TNIK: variants seen among roughly 807,000 people sequenced by gnomAD.
TNIK encodes the protein TRAF2 and NCK interacting kinase.
A neutral mutation model predicts 191.3 loss-of-function variants in TNIK; 49 were observed. That is an observed-to-expected ratio of 0.26 (90% confidence interval 0.20 to 0.32). The LOEUF is 0.32. Among genes scored for constraint, TNIK ranks in the 10% least tolerant of loss-of-function variants. The pLI is 1.00. For synonymous variants in TNIK, 594 were observed against 600.9 expected, an observed-to-expected ratio of 0.99 and a Z score of 0.17; for missense variants, 1,155 against 1,702.3, an observed-to-expected ratio of 0.68 and a Z score of 5.66.
chr3:171,165,195 G>A (rs1277594409), intron 10 of TNIK, among the ~76,000 whole-genome samples: 3 of 152,080 alleles, frequency 2.0e-5, no homozygotes, highest in Admixed American at 2.0e-4. Context: ...TACTTGGGAG[G>A]CTAAGATGGG....
chr3:171,243,640 A>G (rs1016740402), intron 2 of TNIK, among the ~76,000 whole-genome samples: 1 of 152,214 alleles, frequency 6.6e-6, no homozygotes, highest in Non-Finnish European at 1.5e-5. Flanking sequence ...CTGAGTCTTA[A>G]GTCGATTTTA....
rs1718394985 is a variant in TNIK, at chr3:171,066,046, C to A, written c.3999+141G>T. On this transcript the variant is annotated intron_variant, in intron 32 of 32. Coordinates refer to ENST00000436636, the MANE Select transcript of TNIK (RefSeq NM_015028.4). ...ATATTGAGTGCTCACATGGATCAAA[C>A]CAAATAATGCCATTTCAAGATAATA... 6.8e-6 allele frequency: 8 copies of A among 1,167,886 alleles called. No homozygotes were observed. The East Asian group carries it at 1.9e-4, about 28-fold the overall frequency. The allele number at this position is 1,167,886 out of a possible 1,614,324, so 72.3% of individuals were successfully genotyped here.
At chr3:171,272,748 A>C (rs2109200002) in intron 2 of TNIK, among the ~76,000 whole-genome samples, 1 of 151,986 alleles carries the variant, frequency 6.6e-6, no homozygotes, top group South Asian at 2.1e-4. Flanking sequence ...CATTTCACTG[A>C]GTTGTTCCTC....
chr3:171,178,374 A>G (rs1280493044), intron 7 of TNIK, among the ~76,000 whole-genome samples: 2 of 152,178 alleles, frequency 1.3e-5, no homozygotes, highest in African/African-American at 4.8e-5. Context: ...AGTAGGAGGT[A>G]CTCAAAGTAT....
chr3:171,157,035 CCTT>C (rs1733277270), intron 12 of TNIK, among the ~76,000 whole-genome samples: 2 of 152,340 alleles, frequency 1.3e-5, no homozygotes, highest in Admixed American at 1.3e-4. Flanking sequence ...GATAAAATCT[CCTT>C]GTCCTGATGG....
At chr3:171,081,294 C>T (rs1720638258) in intron 27 of TNIK, among the ~76,000 whole-genome samples, 1 of 151,964 alleles carries the variant, frequency 6.6e-6, no homozygotes, top group South Asian at 2.1e-4. Flanking sequence ...CAAGCAAAAG[C>T]ATTTTGTCAA....
chr3:171,206,570 C>G (rs2108890821), intron 4 of TNIK, among the ~76,000 whole-genome samples: 1 of 152,162 alleles, frequency 6.6e-6, no homozygotes, highest in East Asian at 1.9e-4. Flanking sequence ...TGAAAATGGA[C>G]TGAAGATTTT....
intron 1 of TNIK, among the ~76,000 whole-genome samples, chr3:171,407,533 CT>C (rs1721855328): frequency 6.6e-6 from 1 of 152,158 alleles, no homozygotes; most frequent in Non-Finnish European, 1.5e-5. Context: ...GATAAATACT[CT>C]CCCAGCCCCT....
At chr3:171,225,748 C>T (rs949681092) in intron 3 of TNIK, 1 of 398,730 alleles carries the variant, frequency 2.5e-6, no homozygotes, top group African/African-American at 2.1e-5. Flanking sequence ...ACTTGTGAGG[C>T]TTTAAATTGT....
intron 1 of TNIK, among the ~76,000 whole-genome samples, chr3:171,415,736 T>G (rs1386185930): frequency 1.3e-5 from 2 of 151,470 alleles, no homozygotes; most frequent in Non-Finnish European, 2.9e-5. Context: ...ATCCCAGCAC[T>G]TTGGGATGTA....
chr3:171,354,669 C>T lies in TNIK; in HGVS notation c.123+14951G>A, dbSNP rs777244385. 1.3e-4 allele frequency among the ~76,000 whole-genome samples: 20 copies of T among 152,208 alleles called. 1 individual carries two copies. Among genetic ancestry groups the T allele is most frequent in the Admixed American group, 6.5e-5 (1 of 15,280 alleles). Reference sequence around the variant, plus strand: ...CACAGACTAAGGAGTTTCTTCAACACTGAGAATGTAGATTAAGACTGCTGA... The same window carrying T: ...CACAGACTAAGGAGTTTCTTCAACATTGAGAATGTAGATTAAGACTGCTGA... On this transcript the variant is annotated intron_variant, in intron 2 of 32. Coordinates refer to ENST00000436636, the MANE Select transcript of TNIK (RefSeq NM_015028.4).
intron 27 of TNIK, 108 bp from the exon 28 acceptor site, chr3:171,079,760 T>C: frequency 2.3e-6 from 3 of 1,309,348 alleles, no homozygotes; most frequent in Non-Finnish European, 3.1e-6. Context: ...TGTGTGTGTG[T>C]GTATGAAGGC....
chr3:171,396,311 C>T (rs955917390), intron 1 of TNIK, among the ~76,000 whole-genome samples: 3 of 152,220 alleles, frequency 2.0e-5, no homozygotes, highest in Non-Finnish European at 4.4e-5. Flanking sequence ...GGCCAAGCAA[C>T]ATGCCATTGT....
At chr3:171,301,773 T>C (rs1202341758) in intron 2 of TNIK, among the ~76,000 whole-genome samples, 1 of 152,216 alleles carries the variant, frequency 6.6e-6, no homozygotes, top group Admixed American at 6.5e-5. Context: ...TTTGAACTAA[T>C]GGAGAAATCT....
At chr3:171,337,922 C>T (rs945167795) in intron 2 of TNIK, among the ~76,000 whole-genome samples, 1 of 152,132 alleles carries the variant, frequency 6.6e-6, no homozygotes, top group Non-Finnish European at 1.5e-5. Flanking sequence ...TGATAGAGAA[C>T]CCTAGCTCTA....
rs1012910993 is a variant in TNIK, at chr3:171,061,171, C to A, written c.*2710G>T. On this transcript the variant is annotated 3_prime_UTR_variant, in exon 33 of 33. Transcript: ENST00000436636. ...TGTTCTAGGCCTCCTTATGTCAGGGCTGGGGTCTGTCTTGCTGGAGGAAAA... is the reference window on the plus strand; with the variant it reads ...TGTTCTAGGCCTCCTTATGTCAGGGATGGGGTCTGTCTTGCTGGAGGAAAA... Among the ~76,000 whole-genome samples, 2 of 152,072 alleles carry A rather than the reference C, an allele frequency of 1.3e-5. No homozygotes were observed. The highest frequency in any genetic ancestry group is 4.8e-5 in the African/African-American group (2 of 41,426).
chr3:171,179,264 A>T (rs1194075771), intron 7 of TNIK, among the ~76,000 whole-genome samples: 1 of 152,176 alleles, frequency 6.6e-6, no homozygotes, highest in Non-Finnish European at 1.5e-5. Context: ...AAAGATTTTC[A>T]TTAAACGCAA....
intron 24 of TNIK, among the ~76,000 whole-genome samples, chr3:171,086,333 G>A (rs551502070): frequency 5.9e-5 from 9 of 152,176 alleles, no homozygotes; most frequent in East Asian, 3.9e-4. Flanking sequence ...ACACTTTCAC[G>A]TACATGTTCT....
In TNIK at chr3:171,284,545, T is replaced by C. The variant is rs79419110; in HGVS notation, c.124-56324A>G. Among the ~76,000 whole-genome samples the C allele has an allele frequency of 4.3e-3, 654 of 152,228 alleles. 2 individuals are homozygous for C. Among genetic ancestry groups the C allele is most frequent in the African/African-American group, 0.015 (630 of 41,540 alleles). On this transcript the variant is annotated intron_variant, in intron 2 of 32. Coordinates refer to ENST00000436636, the MANE Select transcript of TNIK (RefSeq NM_015028.4). ...GGCATTCCATTGAGAATGCATCATGTCTTGACTTCTCTCTCTGGCCAATCC... is the reference window on the plus strand; with the variant it reads ...GGCATTCCATTGAGAATGCATCATGCCTTGACTTCTCTCTCTGGCCAATCC...
Sources: gnomAD v4.1 joint callset for allele counts (sites outside exome capture counted in the v4.1 genomes callset) on GRCh38, gnomAD v4.1.1 for gene constraint, MANE v1.5 for transcripts, NCBI Gene and HGNC (gene_info 2026-07-23, HGNC 2026-07-21) for gene names.